The following LY75 variants were observed in gnomAD, a reference collection of about 807,000 sequenced individuals.
LY75 encodes the protein C-type lectin domain family 13 member B.
In LY75, 185 loss-of-function variants were observed where a neutral mutation model predicts 231.7. The observed-to-expected ratio is 0.80, with a 90% CI of 0.71 to 0.90. LY75 has a LOEUF of 0.90. Among genes scored for constraint, LY75 ranks in the 40% least tolerant of loss-of-function variants. The probability of loss-of-function intolerance (pLI) is 0.00; values close to 1 mark genes in which losing one functional copy is unlikely to be tolerated. For synonymous variants in LY75, 668 were observed against 689.0 expected, an observed-to-expected ratio of 0.97 and a Z score of 0.48; for missense variants, 1,947 against 2,050.2, an observed-to-expected ratio of 0.95 and a Z score of 0.97.
intron 13 of LY75, among the ~76,000 whole-genome samples, chr2:159,869,549 G>C (rs897423402): frequency 6.6e-5 from 10 of 152,188 alleles, no homozygotes; most frequent in African/African-American, 2.4e-4. Context: ...CACTTCTCAA[G>C]AGTGTATTAG....
At chr2:159,895,323 A>T (rs1685881460) in intron 2 of LY75, among the ~76,000 whole-genome samples, 1 of 152,122 alleles carries the variant, frequency 6.6e-6, no homozygotes, top group African/African-American at 2.4e-5. Flanking sequence ...GAGTGTGTTG[A>T]CCTTATATTT....
At chr2:159,815,353 T>C in intron 31 of LY75, 52 bp downstream of exon 31, 1 of 1,536,278 alleles carries the variant, frequency 6.5e-7, no homozygotes, top group East Asian at 2.3e-5. Context: ...ATTATGTGCA[T>C]AAATTATGTC....
intron 2 of LY75, 105 bp from the exon 3 acceptor site, chr2:159,894,189 C>T: frequency 7.4e-7 from 1 of 1,352,494 alleles, no homozygotes; most frequent in Non-Finnish European, 1.0e-6. Flanking sequence ...GTTTAGAATA[C>T]AATATCCGAG....
intron 4 of LY75, among the ~76,000 whole-genome samples, chr2:159,888,294 G>A (rs568423168): frequency 5.9e-5 from 9 of 152,138 alleles, no homozygotes; most frequent in Non-Finnish European, 1.0e-4. Context: ...TGGGAAGATC[G>A]CTTGAGCCCA....
Position 159,854,515 on chromosome 2 carries a change from G to A in LY75, c.2440C>T (p.Pro814Ser), listed in dbSNP as rs778560503. ...YNPDRAGIHG[P>S]PLIIEGSEYW... ...TCACTTCCTTCAATTATAAGTGGAG[G>A]TCCATGAATTCCAGCACGGTCTAAA... Residue 814 changes from proline (P) to serine (S), a missense_variant, in exon 18 of 35, where the codon CCT becomes TCT. By Grantham distance (74) the Pro-to-Ser change is moderately conservative. Transcript: ENST00000263636. 8.7e-6 allele frequency: 14 copies of A among 1,612,324 alleles called. No homozygotes were observed. The Admixed American group carries it at 1.3e-4, about 15-fold the overall frequency.
intron 29 of LY75, 138 bp from the exon 30 acceptor site, chr2:159,817,170 A>C: frequency 1.1e-6 from 1 of 916,112 alleles, no homozygotes; most frequent in South Asian, 2.1e-5. Flanking sequence ...TGTATATTTT[A>C]TTTTTCTTAC....
intron 13 of LY75, among the ~76,000 whole-genome samples, chr2:159,868,023 A>G (rs1462570462): frequency 6.6e-6 from 1 of 152,214 alleles, no homozygotes; most frequent in Admixed American, 6.6e-5. Context: ...TCCTGCAATA[A>G]AAAGCCAAGG....
At chr2:159,811,063 C>T (rs911595220) in intron 31 of LY75, among the ~76,000 whole-genome samples, 5 of 151,816 alleles carry the variant, frequency 3.3e-5, no homozygotes, top group African/African-American at 4.8e-5. Flanking sequence ...TTAGTAGAGA[C>T]GAAGTTTCAC....
intron 29 of LY75, among the ~76,000 whole-genome samples, chr2:159,819,520 C>T (rs1683222705): frequency 6.6e-6 from 1 of 152,070 alleles, no homozygotes. Flanking sequence ...GAATTTAATG[C>T]TGTCTCCACA....
intron 31 of LY75, among the ~76,000 whole-genome samples, chr2:159,810,877 T>C (rs906450147): frequency 4.6e-5 from 7 of 152,188 alleles, no homozygotes; most frequent in Admixed American, 2.6e-4. Context: ...ACCTAGGTGA[T>C]AGAAGTGGAA....
intron 3 of LY75, among the ~76,000 whole-genome samples, chr2:159,891,712 T>A (rs1685763047): frequency 6.6e-6 from 1 of 152,054 alleles, no homozygotes; most frequent in African/African-American, 2.4e-5. Context: ...GGCAGCAAGG[T>A]ACAGTGGGGG....
Position 159,840,813 on chromosome 2 carries a change from G to A in LY75, c.3423C>T (p.Ile1141=), listed in dbSNP as rs879249395. Residue 1141 remains isoleucine (I), a synonymous_variant, in exon 25 of 35, where the codon ATC becomes ATT. Transcript: ENST00000263636. ...GGAATGCCTGCTGGTAAGGGTCCGT[G>A]ATGCTCACCAGCTGCATGTTACTTT... The part of the protein sequence containing the change: ...CLKSNMQLVS[I]TDPYQQAFLS... 1.9e-6 allele frequency: 3 copies of A among 1,614,002 alleles called. No homozygotes were observed. The South Asian group carries it at 3.3e-5, about 18-fold the overall frequency.
chr2:159,904,712 T>A lies in LY75; in HGVS notation c.-30A>T. 7.2e-7 allele frequency: 1 copy of A among 1,396,156 alleles called. No homozygotes were observed. Among genetic ancestry groups the A allele is most frequent in the Non-Finnish European group, 9.2e-7 (1 of 1,082,596 alleles). The allele number at this position is 1,396,156 out of a possible 1,614,324, so 86.5% of individuals were successfully genotyped here. On this transcript the variant is annotated 5_prime_UTR_variant, in exon 1 of 35. Transcript: ENST00000263636. ...AGCTGGCGCAAGCCTTCCGGCCGGG[T>A]CCTCGGGCGCACGCGGCTCCCGCCC...
At chr2:159,856,204 A>T (rs1412803089) in intron 16 of LY75, among the ~76,000 whole-genome samples, 1 of 152,198 alleles carries the variant, frequency 6.6e-6, no homozygotes, top group African/African-American at 2.4e-5. Flanking sequence ...AAATACAATA[A>T]AAATTGCTAT....
At chr2:159,840,584 A>T (rs1683992623) in intron 25 of LY75, 145 bp downstream of exon 25, 2 of 1,305,770 alleles carry the variant, frequency 1.5e-6, no homozygotes, top group Non-Finnish European at 2.1e-6. Context: ...AACAAAATTT[A>T]AAAACCCCGA....
chr2:159,876,753 C>T (rs1278263568), intron 11 of LY75, among the ~76,000 whole-genome samples: 5 of 151,920 alleles, frequency 3.3e-5, no homozygotes, highest in Non-Finnish European at 4.4e-5. Context: ...CGCCTGTAAT[C>T]CCAGCACTTT....
At chr2:159,894,685 G>A (rs1397439641) in intron 2 of LY75, among the ~76,000 whole-genome samples, 1 of 152,210 alleles carries the variant, frequency 6.6e-6, no homozygotes, top group Non-Finnish European at 1.5e-5. Flanking sequence ...AGATTCTTGG[G>A]AAGGTACAAG....
At chr2:159,881,345 T>A in intron 7 of LY75, 105 bp from the exon 8 acceptor site, 1 of 1,325,522 alleles carries the variant, frequency 7.5e-7, no homozygotes, top group Non-Finnish European at 1.0e-6. Context: ...TTAAGAGCCT[T>A]TGTAGTATTC....
intron 8 of LY75, among the ~76,000 whole-genome samples, chr2:159,880,014 A>G (rs1287601718): frequency 6.6e-6 from 1 of 152,208 alleles, no homozygotes; most frequent in Non-Finnish European, 1.5e-5. Context: ...ACTCTTGCCC[A>G]TGGGAACACT....
Sources: gnomAD v4.1 joint callset for allele counts (sites outside exome capture counted in the v4.1 genomes callset) on GRCh38, gnomAD v4.1.1 for gene constraint, MANE v1.5 for transcripts, NCBI Gene and HGNC (gene_info 2026-07-23, HGNC 2026-07-21) for gene names.